L3MBTL1: variants seen among roughly 807,000 people sequenced by gnomAD.
The protein encoded by L3MBTL1 is L3MBTL histone methyl-lysine binding protein 1.
L3MBTL1 carries 75 observed loss-of-function variants against 105.3 expected under a neutral mutation model. The observed-to-expected ratio is 0.71, with a 90% CI of 0.59 to 0.86. L3MBTL1 has a LOEUF of 0.86. Ranked by LOEUF, L3MBTL1 falls within the 40% of genes least tolerant of loss-of-function variation. L3MBTL1 has a pLI of 0.00. For synonymous variants in L3MBTL1, 452 were observed against 436.2 expected, an observed-to-expected ratio of 1.04 and a Z score of -0.45; for missense variants, 1,069 against 1,126.4, an observed-to-expected ratio of 0.95 and a Z score of 0.73.
At chr20:43,535,756 C>A in intron 16 of L3MBTL1, 81 bp from the exon 17 acceptor site, 1 of 859,980 alleles carries the variant, frequency 1.2e-6, no homozygotes, top group Non-Finnish European at 1.8e-6. Flanking sequence ...GCTGATCTCC[C>A]CAGTGGAAAC....
At chr20:43,514,082 G>A in intron 3 of L3MBTL1, 21 bp downstream of exon 3, 1 of 1,522,980 alleles carries the variant, frequency 6.6e-7, no homozygotes, top group Non-Finnish European at 8.8e-7. Context: ...GTGGGGATTG[G>A]CTAAGCCTCG....
rs773728139 is a variant in L3MBTL1, at chr20:43,536,217, G to C, written c.2046G>C (p.Leu682=). 4.7e-5 allele frequency: 75 copies of C among 1,612,710 alleles called. No homozygotes were observed. The highest frequency in any genetic ancestry group is 5.7e-5 in the Non-Finnish European group (67 of 1,179,716). Residue 682 remains leucine (L), a synonymous_variant, in exon 18 of 22, where the codon CTG becomes CTC. Transcript: ENST00000418998. The part of the protein sequence containing the change: ...ERNQSRLKAE[L]SDSEASARKK... ...ACCAGAGCCGGCTGAAAGCGGAGCT[G>C]TCTGACTCGGAGGCCTCAGCCCGCA...
chr20:43,519,033 A>G (rs193188977), intron 7 of L3MBTL1, among the ~76,000 whole-genome samples: 1 of 150,352 alleles, frequency 6.7e-6, no homozygotes, highest in Non-Finnish European at 1.5e-5. Flanking sequence ...CTCAGGGGGA[A>G]AAAAAAGAAA....
At chr20:43,536,590 G>C in intron 19 of L3MBTL1, 132 bp downstream of exon 19, 1 of 1,033,674 alleles carries the variant, frequency 9.7e-7, no homozygotes. Context: ...CTTCGTTTGA[G>C]ATACTGAGAG....
intron 1 of L3MBTL1, among the ~76,000 whole-genome samples, chr20:43,510,290 A>C (rs914152731): frequency 6.6e-6 from 1 of 151,768 alleles, no homozygotes; most frequent in African/African-American, 2.4e-5. Context: ...GTGAGCCACC[A>C]CGTCCAGCCT....
chr20:43,517,854 C>T (rs6103361), intron 7 of L3MBTL1, among the ~76,000 whole-genome samples: 82 of 152,320 alleles, frequency 5.4e-4, no homozygotes, highest in African/African-American at 1.8e-3. Context: ...TTTTATAGTG[C>T]TTCTTCCAAC....
intron 8 of L3MBTL1, chr20:43,528,995 GA>G: frequency 1.7e-6 from 1 of 602,242 alleles, no homozygotes; most frequent in Admixed American, 2.9e-5. Context: ...GAATTCTGGT[GA>G]CTTCTACTCA....
chr20:43,508,194 CTTTT>C (rs765428033), intron 1 of L3MBTL1, among the ~76,000 whole-genome samples: 2 of 141,946 alleles, frequency 1.4e-5, no homozygotes, highest in Non-Finnish European at 3.1e-5. Flanking sequence ...GTTTCTCTCT[CTTTT>C]TTTTTTTTTG....
In L3MBTL1 at chr20:43,536,442, G is replaced by A. The variant is rs375902103; in HGVS notation, c.2157G>A (p.Pro719=). 8.8e-5 allele frequency: 142 copies of A among 1,613,850 alleles called. No homozygotes were observed. The highest frequency in any genetic ancestry group is 6.1e-4 in the South Asian group (56 of 91,092). Residue 719 remains proline (P), a synonymous_variant, in exon 19 of 22, where the codon CCG becomes CCA. Transcript: ENST00000418998. ...GCCCTCCGAAGTATCGAAAGATTCCGCAGGAAGATTTCCAGAGTAAGTCTG... is the reference window on the plus strand; with the variant it reads ...GCCCTCCGAAGTATCGAAAGATTCCACAGGAAGATTTCCAGAGTAAGTCTG... ...IGRPPKYRKI[P]QEDFQTLTPD...
At chr20:43,548,532 A>G (rs1978780472) in exon 19 of L3MBTL1, 1 of 199,024 alleles carries the variant, frequency 5.0e-6, no homozygotes, top group South Asian at 8.4e-5. Context: ...CCACAGCCCC[A>G]GTGGACTTTT....
At position 43,514,719 on chromosome 20, in the gene L3MBTL1, G is replaced by A. The variant is rs1374424882; in HGVS notation, c.445G>A (p.Glu149Lys). 1.3e-6 allele frequency: 2 copies of A among 1,579,064 alleles called. No individual in the cohort carries two copies. The highest frequency in any genetic ancestry group is 2.3e-5 in the East Asian group (1 of 43,480). ...SPELRQEGVT[E>K]YEDGGAPAGD... ...CGAGCTGCGGCAGGAAGGCGTGACC[G>A]AATACGAAGATGGCGGGGCCCCGGC... Residue 149 changes from glutamate (E) to lysine (K), a missense_variant, in exon 4 of 22, where the codon GAA becomes AAA. Transcript: ENST00000418998.
At chr20:43,514,888 T>A in intron 4 of L3MBTL1, 112 bp downstream of exon 4, 1 of 1,460,894 alleles carries the variant, frequency 6.8e-7, no homozygotes, top group Non-Finnish European at 9.2e-7. Flanking sequence ...TGGAGAAGGC[T>A]GGAGGAGGCC....
intron 7 of L3MBTL1, among the ~76,000 whole-genome samples, chr20:43,521,355 T>A (rs905856544): frequency 1.3e-5 from 2 of 152,186 alleles, no homozygotes; most frequent in African/African-American, 4.8e-5. Flanking sequence ...TAATTATCTA[T>A]ACTGAGATAA....
chr20:43,531,257 CT>C, intron 11 of L3MBTL1: 1 of 191,964 alleles, frequency 5.2e-6, no homozygotes, highest in East Asian at 1.4e-4. Context: ...CTGGGAGCTT[CT>C]TTTTCTTTCC....
chr20:43,526,498 G>A (rs1253680138), intron 7 of L3MBTL1, among the ~76,000 whole-genome samples: 1 of 152,208 alleles, frequency 6.6e-6, no homozygotes. Context: ...CAGGACAAAG[G>A]ATAGCCGGAA....
At chr20:43,530,479 C>G in intron 10 of L3MBTL1, 60 bp downstream of exon 10, 3 of 1,543,254 alleles carry the variant, frequency 1.9e-6, no homozygotes, top group Non-Finnish European at 2.6e-6. Flanking sequence ...TTCGCTTCTT[C>G]CCCTTGGGTC....
Position 43,536,291 on chromosome 20 carries a change from G to A in L3MBTL1, c.2120G>A (p.Gly707Asp). 1 of 1,612,870 alleles carries A rather than the reference G, an allele frequency of 6.2e-7. No individual in the cohort carries two copies. Among genetic ancestry groups the A allele is most frequent in the Non-Finnish European group, 8.5e-7 (1 of 1,179,602 alleles). ...CCAAGGAAGAAGCCTCGCCATCACG[G>A]CCGGTATGGAGGCCAGGGAATCAGG... Reference protein sequence around the residue: ...FSPRKKPRHHGRIGRPPKYRK... With the variant: ...FSPRKKPRHHDRIGRPPKYRK... Residue 707 changes from glycine to aspartate, a missense_variant, in exon 18 of 22, where the codon GGC (glycine) becomes GAC (aspartate). Transcript: ENST00000418998.
At chr20:43,519,590 C>G (rs538912725) in intron 7 of L3MBTL1, among the ~76,000 whole-genome samples, 1 of 152,136 alleles carries the variant, frequency 6.6e-6, no homozygotes, top group African/African-American at 2.4e-5. Flanking sequence ...GAGTTGAGAT[C>G]GTGCCATTGC....
Position 43,534,838 on chromosome 20 carries a change from A to T in L3MBTL1, c.1721A>T (p.Asp574Val). The change falls in exon 16 of 22, where the codon GAT (aspartate) becomes GTT (valine). Residue 574 changes from aspartate to valine, a missense_variant. Transcript: ENST00000418998. Reference sequence around the variant, plus strand: ...GCCTTTCCTCCCCAGATCCACTTTGATGGCTGGAGTCATGGCTATGATTTC... The same window carrying T: ...GCCTTTCCTCCCCAGATCCACTTTGTTGGCTGGAGTCATGGCTATGATTTC... ...VEDHRIKIHF[D>V]GWSHGYDFWI... 2.5e-6 allele frequency: 4 copies of T among 1,609,180 alleles called. No individual in the cohort carries two copies. Among genetic ancestry groups the T allele is most frequent in the Non-Finnish European group, 1.7e-6 (2 of 1,178,758 alleles).
Sources: allele counts gnomAD v4.1 joint callset (sites outside exome capture counted in the v4.1 genomes callset), GRCh38; gene constraint gnomAD v4.1.1; transcripts MANE v1.5; gene names NCBI Gene and HGNC (gene_info 2026-07-23, HGNC 2026-07-21).